The following MAN1C1 variants were observed in gnomAD, a reference collection of about 807,000 sequenced individuals.
MAN1C1 encodes the protein mannosidase alpha class 1C member 1.
MAN1C1 carries 49 observed loss-of-function variants against 71.5 expected under a neutral mutation model. That is an observed-to-expected ratio of 0.69 (90% CI 0.54 to 0.87). The LOEUF (loss-of-function observed/expected upper bound fraction) is 0.87, where lower values mean the gene tolerates loss of function less well. Among genes scored for constraint, MAN1C1 ranks in the 40% least tolerant of loss-of-function variants. MAN1C1 has a pLI of 0.00. For synonymous variants in MAN1C1, 352 were observed against 343.7 expected (o/e 1.02, Z -0.27); for missense variants, 743 against 835.0 (o/e 0.89, Z 1.36).
rs186981480 is a variant in MAN1C1 at position 25,668,618 on chromosome 1, C to T, written c.541-17822C>T. Among the ~76,000 whole-genome samples, 8 of 150,324 alleles carry T rather than the reference C, an allele frequency of 5.3e-5. No homozygotes were observed. The East Asian group carries it at 1.6e-3, about 30-fold the overall frequency. ...TCACCCAGGCTGGAGTGCAGTGGCA[C>T]GATCTCGGCTCACTGCAACCTCCGC... On this transcript the variant is annotated intron_variant, in intron 1 of 11. Transcript: ENST00000374332.
At position 25,747,502 on chromosome 1, in the gene MAN1C1, G is replaced by A. The variant is rs969803198; in HGVS notation, c.753+719G>A. ...ACTTGGGGAGTAAGCAGTGGAGACC[G>A]GGAGGGGCCGCATCCAAGCACACAC... On this transcript the variant is annotated intron_variant, in intron 3 of 11. Transcript: ENST00000374332. Among the ~76,000 whole-genome samples, 70 of 152,316 alleles carry A rather than the reference G, an allele frequency of 4.6e-4. 1 individual carries two copies. The highest frequency in any genetic ancestry group is 1.7e-3 in the South Asian group (8 of 4,826).
At chr1:25,744,853 C>G (rs2047107363) in intron 2 of MAN1C1, among the ~76,000 whole-genome samples, 1 of 152,178 alleles carries the variant, frequency 6.6e-6, no homozygotes. Flanking sequence ...TCAACAGGCT[C>G]CAGAGTTTCC....
chr1:25,660,396 CTTTTTT>C lies in MAN1C1; in HGVS notation c.541-26021_541-26016del, dbSNP rs1178878513. Among the ~76,000 whole-genome samples, 388 of 97,600 alleles carry C rather than the reference CTTTTTT, an allele frequency of 4.0e-3. 2 individuals are homozygous for C. The highest frequency in any genetic ancestry group is 0.017 in the African/African-American group (345 of 20,682). 64.0% of individuals were successfully genotyped at this position (97,600 alleles called of 152,430 possible). A position where few individuals can be genotyped will look rare whatever the true frequency, so the allele number is the denominator to read the frequency against. The stretch of plus-strand genomic sequence containing the variant: ...AGCTTGGGCAACAAGAGTGAAATTC[CTTTTTT>C]TTTTTTTTTTTTTTTTTTTTTTGAG... On this transcript the variant is annotated intron_variant, in intron 1 of 11. Coordinates refer to ENST00000374332, the MANE Select transcript of MAN1C1 (RefSeq NM_020379.4).
intron 1 of MAN1C1, among the ~76,000 whole-genome samples, chr1:25,681,569 C>T (rs1369039515): frequency 6.6e-6 from 1 of 152,202 alleles, no homozygotes; most frequent in African/African-American, 2.4e-5. Context: ...GGTTCCTAGA[C>T]ACCAGCTGAG....
chr1:25,717,637 G>A (rs915098871), intron 2 of MAN1C1, among the ~76,000 whole-genome samples: 10 of 150,054 alleles, frequency 6.7e-5, no homozygotes, highest in Non-Finnish European at 8.9e-5. Flanking sequence ...GTGCAGTGGC[G>A]CAATCTCGGC....
intron 1 of MAN1C1, among the ~76,000 whole-genome samples, chr1:25,650,099 A>G (rs1237092694): frequency 3.9e-5 from 6 of 152,190 alleles, no homozygotes; most frequent in South Asian, 2.1e-4. Context: ...AGCAGGGGCT[A>G]TAAATTCTGT....
chr1:25,660,235 C>G (rs1008107460), intron 1 of MAN1C1, among the ~76,000 whole-genome samples: 2 of 151,972 alleles, frequency 1.3e-5, no homozygotes, highest in Non-Finnish European at 2.9e-5. Context: ...AACCCCGTCT[C>G]TACTAAAAAT....
rs760187022 is a variant in MAN1C1 at position 25,772,820 on chromosome 1, C to A, written c.1257+1048C>A. ...CCCTGACTTCACGCCTGCCTCTCTG[C>A]TCTGTGCTCTCTGGGCCCTGGGCAC... On this transcript the variant is annotated intron_variant, in intron 8 of 11. Transcript: ENST00000374332. Among the ~76,000 whole-genome samples the A allele has an allele frequency of 4.5e-4, 69 of 152,324 alleles. 1 individual carries two copies. Among genetic ancestry groups the A allele is most frequent in the Admixed American group, 2.8e-3 (43 of 15,300 alleles).
At chr1:25,749,364 T>C (rs1469724783) in intron 4 of MAN1C1, 29 bp downstream of exon 4, 2 of 1,552,328 alleles carry the variant, frequency 1.3e-6, no homozygotes, top group Non-Finnish European at 1.8e-6. Context: ...ACCCCTGAAC[T>C]GTCCAGGCTG....
chr1:25,770,953 C>T (rs544230402), intron 7 of MAN1C1, among the ~76,000 whole-genome samples: 2 of 152,296 alleles, frequency 1.3e-5, no homozygotes, highest in Admixed American at 6.5e-5. Context: ...TTCTGTCTTG[C>T]GTCTGCGGTG....
intron 1 of MAN1C1, chr1:25,644,926 C>T (rs895876885): frequency 6.6e-6 from 1 of 152,092 alleles, no homozygotes; most frequent in Non-Finnish European, 1.5e-5. Context: ...GGGCTCAGAG[C>T]CTTTGGGAAC....
chr1:25,727,923 G>A (rs954340782), intron 2 of MAN1C1, among the ~76,000 whole-genome samples: 6 of 152,264 alleles, frequency 3.9e-5, no homozygotes, highest in Non-Finnish European at 7.3e-5. Flanking sequence ...ACAAGGCTTT[G>A]ATAACACAGT....
At chr1:25,685,874 T>C (rs1307572149) in intron 1 of MAN1C1, among the ~76,000 whole-genome samples, 1 of 152,102 alleles carries the variant, frequency 6.6e-6, no homozygotes, top group African/African-American at 2.4e-5. Flanking sequence ...TCAAAGAGAC[T>C]CGTATGGTGA....
intron 1 of MAN1C1, among the ~76,000 whole-genome samples, chr1:25,661,055 C>G (rs987535261): frequency 1.3e-5 from 2 of 152,014 alleles, no homozygotes; most frequent in Non-Finnish European, 2.9e-5. Context: ...AGAAGTGGCT[C>G]ACATCATTGA....
intron 5 of MAN1C1, among the ~76,000 whole-genome samples, chr1:25,756,490 G>A (rs1285050687): frequency 6.6e-6 from 1 of 152,216 alleles, no homozygotes; most frequent in African/African-American, 2.4e-5. Context: ...GACTGTTGGA[G>A]GGCTGGTGGC....
chr1:25,626,212 G>C (rs76190846), intron 1 of MAN1C1, among the ~76,000 whole-genome samples: 5 of 152,214 alleles, frequency 3.3e-5, no homozygotes, highest in African/African-American at 1.2e-4. Flanking sequence ...CCAGCAATAT[G>C]TGAGAGTTCC....
At chr1:25,673,967 C>T (rs920570740) in intron 1 of MAN1C1, among the ~76,000 whole-genome samples, 1 of 152,186 alleles carries the variant, frequency 6.6e-6, no homozygotes, top group Non-Finnish European at 1.5e-5. Flanking sequence ...TTGTGGGTGA[C>T]CTAAGATCTT....
chr1:25,748,618 C>G (rs1443210707), intron 3 of MAN1C1, among the ~76,000 whole-genome samples: 1 of 152,186 alleles, frequency 6.6e-6, no homozygotes, highest in African/African-American at 2.4e-5. Flanking sequence ...GGGTTTACCC[C>G]AGATCTGGTC....
chr1:25,770,414 T>A (rs1406953903), intron 7 of MAN1C1, among the ~76,000 whole-genome samples: 6 of 152,222 alleles, frequency 3.9e-5, no homozygotes, highest in Admixed American at 6.5e-5. Context: ...CATCTGTCTT[T>A]GCCCTGTCTT....
Sources: gnomAD v4.1 joint callset for allele counts (sites outside exome capture counted in the v4.1 genomes callset) on GRCh38, gnomAD v4.1.1 for gene constraint, MANE v1.5 for transcripts, NCBI Gene and HGNC (gene_info 2026-07-23, HGNC 2026-07-21) for gene names.